Variants in STK3 observed in about 807,000 individuals in gnomAD.
STK3 encodes the protein serine/threonine-protein kinase 3.
STK3 carries 41 observed loss-of-function variants against 58.0 expected under a neutral mutation model. The observed-to-expected ratio is 0.71, with a 90% CI of 0.55 to 0.92. The LOEUF is 0.92. Ranked by LOEUF, STK3 falls within the 40% of genes least tolerant of loss-of-function variation. The pLI, the probability that STK3 is intolerant of heterozygous loss-of-function variation, is 0.00. For missense variants in STK3, 479 were observed against 602.7 expected (o/e 0.79, Z 2.15); for synonymous variants, 170 against 191.0 (o/e 0.89, Z 0.91).
chr8:98,654,157 T>G (rs573937478), intron 6 of STK3, among the ~76,000 whole-genome samples: 10 of 152,312 alleles, frequency 6.6e-5, no homozygotes, highest in African/African-American at 2.2e-4. Context: ...GATTCATCCC[T>G]GGGATGCAAG....
chr8:98,586,589 T>C (rs1268158337), intron 7 of STK3, among the ~76,000 whole-genome samples: 22 of 150,710 alleles, frequency 1.5e-4, no homozygotes, highest in Non-Finnish European at 3.3e-4. Context: ...CCGGCTTTGG[T>C]ATCAGAATGA....
rs1818706692 is a variant in STK3, at chr8:98,441,813, T to A, written n.186-4605A>T. ...CCACTGCCCCCTAAAATTTTATCTT[T>A]GTTCCCTTTTTGTTTCCTCACTTGG... is the stretch of plus-strand genomic sequence containing the variant. On this transcript the variant is annotated intron_variant and non_coding_transcript_variant, in intron 1 of 3. Coordinates refer to the STK3 transcript ENST00000517832. 2.6e-5 allele frequency among the ~76,000 whole-genome samples: 4 copies of A among 152,318 alleles called. No individual in the cohort carries two copies. The South Asian group carries it at 8.3e-4, about 32-fold the overall frequency.
At chr8:98,689,116 C>T (rs1824215305) in intron 6 of STK3, among the ~76,000 whole-genome samples, 1 of 152,080 alleles carries the variant, frequency 6.6e-6, no homozygotes, top group Non-Finnish European at 1.5e-5. Context: ...TGTTCAGAGG[C>T]TACTATGAAC....
intron 6 of STK3, among the ~76,000 whole-genome samples, chr8:98,692,555 G>C (rs1467013792): frequency 6.6e-6 from 1 of 152,086 alleles, no homozygotes; most frequent in Non-Finnish European, 1.5e-5. Flanking sequence ...TGGTTGCGAG[G>C]GGTTGGAGCA....
downstream of STK3, among the ~76,000 whole-genome samples, chr8:98,450,297 G>A (rs192068348): frequency 7.2e-5 from 11 of 152,236 alleles, no homozygotes; most frequent in East Asian, 2.1e-3. Flanking sequence ...CTTCATTCTT[G>A]CAAAAACATG....
intron 6 of STK3, chr8:98,633,582 T>G: frequency 1.3e-6 from 1 of 742,790 alleles, no homozygotes. Context: ...CTCCTCTGTC[T>G]TTCAGTCAGC....
At chr8:98,782,574 C>T in intron 1 of STK3, 1 of 300,220 alleles carries the variant, frequency 3.3e-6, no homozygotes, top group South Asian at 3.9e-5. Context: ...CGCCTCCAGG[C>T]CAAGAAGGAA....
At chr8:98,850,175 A>C (rs914438615) in intron 3 of STK3, among the ~76,000 whole-genome samples, 2 of 152,142 alleles carry the variant, frequency 1.3e-5, no homozygotes, top group South Asian at 4.1e-4. Flanking sequence ...TTATTTAATT[A>C]ATTTTTTTAG....
chr8:98,404,018 C>A lies in STK3; in HGVS notation n.484-2505G>T, dbSNP rs145285598. Among the ~76,000 whole-genome samples, 377 of 152,300 alleles carry A rather than the reference C, an allele frequency of 2.5e-3. 1 individual carries two copies. The highest frequency in any genetic ancestry group is 8.4e-3 in the African/African-American group (350 of 41,566). On this transcript the variant is annotated intron_variant and non_coding_transcript_variant, in intron 3 of 3. Coordinates refer to the STK3 transcript ENST00000517832. ...TCTGTCTCCTGGGTGGCAGGTCAAA[C>A]CCCCACAAATGCATAATTCAGAGGT...
intron 3 of STK3, among the ~76,000 whole-genome samples, chr8:98,869,201 A>G (rs1375196570): frequency 1.3e-5 from 2 of 151,078 alleles, no homozygotes; most frequent in Non-Finnish European, 3.0e-5. Context: ...CTGGTGGATC[A>G]CTCGAGCCCA....
intron 7 of STK3, among the ~76,000 whole-genome samples, chr8:98,590,191 C>T (rs1815164225): frequency 1.3e-5 from 2 of 151,956 alleles, no homozygotes; most frequent in Admixed American, 6.6e-5. Context: ...AGAAAATAAC[C>T]AGCATTGATT....
chr8:98,789,792 C>A (rs190722429), intron 1 of STK3, among the ~76,000 whole-genome samples: 1 of 151,926 alleles, frequency 6.6e-6, no homozygotes, highest in Non-Finnish European at 1.5e-5. Context: ...CCTGGGAGGC[C>A]GAGGCAGGTG....
At chr8:98,443,609 A>C (rs761761867) in intron 1 of STK3, among the ~76,000 whole-genome samples, 2 of 152,194 alleles carry the variant, frequency 1.3e-5, no homozygotes, top group Middle Eastern at 3.4e-3. Context: ...GCACTTTGGG[A>C]GGCCAAGATG....
At chr8:98,419,894 C>T (rs143917353) in intron 3 of STK3, among the ~76,000 whole-genome samples, 366 of 152,286 alleles carry the variant, frequency 2.4e-3, no homozygotes, top group African/African-American at 8.3e-3. Context: ...CTTCCCTTAT[C>T]GCTCAACTTA....
At chr8:98,458,693 C>T (rs1341043484) in intron 10 of STK3, among the ~76,000 whole-genome samples, 1 of 152,132 alleles carries the variant, frequency 6.6e-6, no homozygotes, top group African/African-American at 2.4e-5. Context: ...CCATGCTGTT[C>T]TAGTGATAGT....
chr8:98,914,749 G>C (rs1024312432), intron 1 of STK3, among the ~76,000 whole-genome samples: 1 of 152,166 alleles, frequency 6.6e-6, no homozygotes, highest in Non-Finnish European at 1.5e-5. Flanking sequence ...TAAACGTGCT[G>C]ATATGCTGAA....
intron 10 of STK3, among the ~76,000 whole-genome samples, chr8:98,516,833 G>A (rs1824965507): frequency 6.6e-6 from 1 of 151,962 alleles, no homozygotes. Context: ...CAAGAATATG[G>A]CCGATAATTA....
At chr8:98,401,138 A>G (rs966587895), downstream of STK3, among the ~76,000 whole-genome samples, 2 of 152,178 alleles carry the variant, frequency 1.3e-5, no homozygotes, top group African/African-American at 4.8e-5. Flanking sequence ...TAAGAAGTCC[A>G]GCCCCCTGAA....
At chr8:98,597,201 T>TCAGAATATGCAGCCATTTAATATAA in intron 6 of STK3, 5 of 862,468 alleles carry the variant, frequency 5.8e-6, no homozygotes, top group Non-Finnish European at 7.0e-6. Context: ...TTGAATGCCC[T>TCAGAATATGCAGCCATTTAATATAA]CAGAATATGC....
Sources: gnomAD v4.1 joint callset for allele counts (sites outside exome capture counted in the v4.1 genomes callset) on GRCh38, gnomAD v4.1.1 for gene constraint, MANE v1.5 for transcripts, NCBI Gene and HGNC (gene_info 2026-07-23, HGNC 2026-07-21) for gene names.